The following TMEM156 variants were observed in gnomAD, a reference collection of about 807,000 sequenced individuals.
The protein encoded by TMEM156 is transmembrane protein 156.
TMEM156 carries 28 observed loss-of-function variants against 30.5 expected under a neutral mutation model. The observed-to-expected ratio is 0.92, with a 90% CI of 0.68 to 1.26. TMEM156 has a LOEUF of 1.26. Among genes scored for constraint, TMEM156 ranks in the 50% most tolerant of loss-of-function variants. TMEM156 has a pLI of 0.00. For missense variants in TMEM156, 351 were observed against 340.6 expected, an observed-to-expected ratio of 1.03 and a Z score of -0.24; for synonymous variants, 137 against 119.9, an observed-to-expected ratio of 1.14 and a Z score of -0.93.
At chr4:38,993,280 A>T (rs189290010) in intron 3 of TMEM156, among the ~76,000 whole-genome samples, 39 of 151,938 alleles carry the variant, frequency 2.6e-4, no homozygotes, top group African/African-American at 8.7e-4. Context: ...AAATACAAAA[A>T]ATTAACCAGG....
At chr4:38,986,847 AAAAAG>A (rs1712034667) in intron 4 of TMEM156, among the ~76,000 whole-genome samples, 4 of 135,362 alleles carry the variant, frequency 3.0e-5, no homozygotes, top group Admixed American at 7.8e-5. Flanking sequence ...AAAAAAAAAA[AAAAAG>A]GAAAGCGACA....
chr4:38,985,067 C>T (rs1219826206), intron 5 of TMEM156, among the ~76,000 whole-genome samples: 1 of 152,124 alleles, frequency 6.6e-6, no homozygotes, highest in African/African-American at 2.4e-5. Flanking sequence ...ACAGAAACGA[C>T]CAGAATTCCT....
chr4:39,021,270 G>C (rs909185107), intron 1 of TMEM156, among the ~76,000 whole-genome samples: 3 of 151,828 alleles, frequency 2.0e-5, no homozygotes, highest in African/African-American at 7.3e-5. Flanking sequence ...CCAGTGTGGT[G>C]ACCCACACTT....
chr4:39,025,996 A>G (rs1715179731), intron 1 of TMEM156, among the ~76,000 whole-genome samples: 1 of 152,222 alleles, frequency 6.6e-6, no homozygotes, highest in South Asian at 2.1e-4. Context: ...CCCTCAACAG[A>G]TATTCATTGA....
intron 2 of TMEM156, among the ~76,000 whole-genome samples, chr4:38,995,912 C>T (rs1712893086): frequency 2.0e-5 from 3 of 152,142 alleles, no homozygotes; most frequent in African/African-American, 7.2e-5. Context: ...ACCTTAAGGC[C>T]ACCATGATGT....
chr4:38,990,950 C>G (rs1270611618), intron 3 of TMEM156, among the ~76,000 whole-genome samples: 9 of 148,184 alleles, frequency 6.1e-5, no homozygotes, highest in African/African-American at 2.0e-4. Flanking sequence ...TCTCCTGCCT[C>G]AGCCTCCCGA....
intron 1 of TMEM156, among the ~76,000 whole-genome samples, chr4:39,014,552 A>G (rs1301955237): frequency 6.6e-6 from 1 of 152,096 alleles, no homozygotes; most frequent in Admixed American, 6.6e-5. Context: ...TGAGGTCAGG[A>G]GTTTGAGGCC....
intron 1 of TMEM156, among the ~76,000 whole-genome samples, chr4:39,003,885 A>T (rs1177680206): frequency 6.6e-6 from 1 of 152,124 alleles, no homozygotes; most frequent in Non-Finnish European, 1.5e-5. Context: ...GTTTACTGTC[A>T]ATAGTGTAGT....
At chr4:39,025,158 G>A (rs1474464717) in intron 1 of TMEM156, among the ~76,000 whole-genome samples, 3 of 151,906 alleles carry the variant, frequency 2.0e-5, no homozygotes, top group Non-Finnish European at 4.4e-5. Flanking sequence ...AAACCAGCCT[G>A]GATAACATGG....
chr4:39,001,009 G>C (rs901692693), intron 1 of TMEM156, among the ~76,000 whole-genome samples: 1 of 152,054 alleles, frequency 6.6e-6, no homozygotes, highest in Non-Finnish European at 1.5e-5. Context: ...AAAGCTTACT[G>C]TGTAAAAATT....
At chr4:39,018,269 G>T (rs1407515556) in intron 1 of TMEM156, among the ~76,000 whole-genome samples, 1 of 152,112 alleles carries the variant, frequency 6.6e-6, no homozygotes, top group East Asian at 1.9e-4. Flanking sequence ...CTTTAACTCG[G>T]ATCATCTCCT....
chr4:39,019,717 A>G (rs1167114718), intron 1 of TMEM156, among the ~76,000 whole-genome samples: 1 of 152,184 alleles, frequency 6.6e-6, no homozygotes, highest in East Asian at 1.9e-4. Flanking sequence ...ATGGTATACA[A>G]TGTGATGTTT....
intron 4 of TMEM156, among the ~76,000 whole-genome samples, chr4:38,987,830 C>T (rs1712112570): frequency 6.6e-6 from 1 of 152,172 alleles, no homozygotes; most frequent in Non-Finnish European, 1.5e-5. Context: ...AGTACTAGGA[C>T]TCTAACATAA....
chr4:38,986,349 C>A lies in TMEM156; in HGVS notation c.810G>T (p.Val270=), dbSNP rs771046129. ...CACAGAACTTACCTGAAAGAACCTG[C>A]ACATTCAATGCTCTCAGTTTCTCCG... ...SDSEKLRALN[V]QVLSAETTQR... is the part of the protein sequence containing the mutation. Residue 270 remains valine (V), a synonymous_variant, in exon 5 of 7, where the codon GTG becomes GTT. Transcript: ENST00000381938. The A allele has an allele frequency of 3.1e-6, 5 of 1,613,520 alleles. No homozygotes were observed. In the African/African-American group the frequency reaches 6.7e-5, roughly 22 times the overall value.
At chr4:39,016,433 A>G (rs1403134078) in intron 1 of TMEM156, among the ~76,000 whole-genome samples, 3 of 149,912 alleles carry the variant, frequency 2.0e-5, no homozygotes, top group Admixed American at 6.6e-5. Context: ...TCCTTTCTGT[A>G]TCTATTCTTT....
chr4:38,978,396 G>T (rs1722987975), intron 5 of TMEM156, among the ~76,000 whole-genome samples: 1 of 152,078 alleles, frequency 6.6e-6, no homozygotes, highest in African/African-American at 2.4e-5. Flanking sequence ...GCCTCCTTGA[G>T]CACAAAGCTG....
chr4:38,987,605 A>G (rs1283047753), intron 4 of TMEM156, among the ~76,000 whole-genome samples: 2 of 152,250 alleles, frequency 1.3e-5, no homozygotes, highest in East Asian at 3.8e-4. Flanking sequence ...AAAGAAGGAA[A>G]GAGTCTTGGG....
chr4:38,999,985 T>C (rs1417246005), intron 1 of TMEM156, among the ~76,000 whole-genome samples: 1 of 152,302 alleles, frequency 6.6e-6, no homozygotes, highest in East Asian at 1.9e-4. Context: ...CTACCACAAC[T>C]TCTAAAGATG....
At chr4:39,023,884 C>T (rs1715028866) in intron 1 of TMEM156, among the ~76,000 whole-genome samples, 1 of 151,838 alleles carries the variant, frequency 6.6e-6, no homozygotes, top group Non-Finnish European at 1.5e-5. Flanking sequence ...AAAAAAGAAG[C>T]CAGACCAAAA....
Sources: gnomAD v4.1 joint callset for allele counts (sites outside exome capture counted in the v4.1 genomes callset) on GRCh38, gnomAD v4.1.1 for gene constraint, MANE v1.5 for transcripts, NCBI Gene and HGNC (gene_info 2026-07-23, HGNC 2026-07-21) for gene names.